The following BMP5 variants were observed in gnomAD, a reference collection of about 807,000 sequenced individuals.
BMP5 encodes the protein bone morphogenetic protein 5.
In BMP5, 23 loss-of-function variants were observed where a neutral mutation model predicts 46.6. The observed-to-expected ratio is 0.49, with a 90% confidence interval of 0.35 to 0.70. The LOEUF is 0.70. BMP5 is among the 30% of genes least tolerant of loss of function. The pLI is 0.00. For synonymous variants in BMP5, 204 were observed against 191.9 expected (o/e 1.06, Z -0.52); for missense variants, 545 against 565.6 (o/e 0.96, Z 0.37).
At chr6:55,759,935 T>G (rs138558287) in intron 5 of BMP5, among the ~76,000 whole-genome samples, 134 of 152,140 alleles carry the variant, frequency 8.8e-4, no homozygotes, top group Middle Eastern at 3.4e-3. Context: ...TCTTAAAATT[T>G]CATTTTAAAC....
intron 1 of BMP5, among the ~76,000 whole-genome samples, chr6:55,844,165 T>C (rs1777039825): frequency 6.6e-6 from 1 of 152,018 alleles, no homozygotes; most frequent in Non-Finnish European, 1.5e-5. Context: ...TTCTGTCTTC[T>C]AGATTAAGCC....
intron 1 of BMP5, among the ~76,000 whole-genome samples, chr6:55,858,970 A>C (rs1777467210): frequency 6.6e-6 from 1 of 152,116 alleles, no homozygotes; most frequent in Non-Finnish European, 1.5e-5. Flanking sequence ...CCTGTCGGCG[A>C]GTAGGGGGCA....
intron 3 of BMP5, among the ~76,000 whole-genome samples, chr6:55,778,046 G>T (rs954026175): frequency 6.6e-6 from 1 of 152,038 alleles, no homozygotes; most frequent in Non-Finnish European, 1.5e-5. Flanking sequence ...AGTAGTACCA[G>T]CTCAAAGCTG....
intron 2 of BMP5, among the ~76,000 whole-genome samples, chr6:55,803,580 G>A (rs946856737): frequency 8.5e-5 from 13 of 152,106 alleles, no homozygotes; most frequent in African/African-American, 1.9e-4. Context: ...TCTGCTGCTC[G>A]CATACATTGT....
At chr6:55,798,114 C>G (rs1470389800) in intron 2 of BMP5, among the ~76,000 whole-genome samples, 1 of 152,128 alleles carries the variant, frequency 6.6e-6, no homozygotes, top group Non-Finnish European at 1.5e-5. Flanking sequence ...ATCATCTTTT[C>G]TCCTATGCAT....
chr6:55,819,623 C>T (rs759068645), intron 2 of BMP5, 32 bp downstream of exon 2: 2 of 1,542,538 alleles, frequency 1.3e-6, no homozygotes, highest in Admixed American at 3.4e-5. Context: ...CATATATTTG[C>T]CAGGATAATA....
intron 2 of BMP5, among the ~76,000 whole-genome samples, chr6:55,816,328 G>A (rs1776268940): frequency 2.6e-5 from 4 of 151,850 alleles, no homozygotes; most frequent in Admixed American, 2.6e-4. Flanking sequence ...CATAATCCAA[G>A]TGTGAAAACA....
intron 1 of BMP5, among the ~76,000 whole-genome samples, chr6:55,852,996 G>T (rs962557735): frequency 6.6e-6 from 1 of 151,808 alleles, no homozygotes; most frequent in South Asian, 2.1e-4. Context: ...TGGGCATGGT[G>T]GTGCCCGCCT....
At chr6:55,758,092 G>A (rs773244234) in intron 6 of BMP5, among the ~76,000 whole-genome samples, 2 of 151,878 alleles carry the variant, frequency 1.3e-5, no homozygotes, top group Non-Finnish European at 2.9e-5. Flanking sequence ...AGACAAGATT[G>A]TCTACTATCT....
intron 1 of BMP5, among the ~76,000 whole-genome samples, chr6:55,845,519 A>T (rs1248394654): frequency 6.6e-6 from 1 of 151,944 alleles, no homozygotes; most frequent in East Asian, 1.9e-4. Context: ...GTCTCCTACT[A>T]CCTTAAGATG....
At chr6:55,802,804 C>A (rs969071281) in intron 2 of BMP5, among the ~76,000 whole-genome samples, 2 of 150,160 alleles carry the variant, frequency 1.3e-5, no homozygotes. Flanking sequence ...TTAAATAATT[C>A]TTTTTTTCCC....
intron 4 of BMP5, among the ~76,000 whole-genome samples, chr6:55,763,067 A>C (rs1170707888): frequency 6.6e-6 from 1 of 152,124 alleles, no homozygotes; most frequent in Non-Finnish European, 1.5e-5. Context: ...TACAAAAACA[A>C]ATGATAGGCT....
intron 1 of BMP5, among the ~76,000 whole-genome samples, chr6:55,838,456 T>G (rs1776876107): frequency 6.6e-6 from 1 of 152,234 alleles, no homozygotes; most frequent in South Asian, 2.1e-4. Context: ...GAGAAATATC[T>G]ATCCAAATCC....
At chr6:55,830,941 T>C (rs1776649165) in intron 1 of BMP5, among the ~76,000 whole-genome samples, 1 of 152,108 alleles carries the variant, frequency 6.6e-6, no homozygotes, top group African/African-American at 2.4e-5. Context: ...TGAGTGACTG[T>C]TCTTTCCTAC....
intron 4 of BMP5, among the ~76,000 whole-genome samples, chr6:55,767,961 C>T (rs1027940773): frequency 6.6e-6 from 1 of 151,970 alleles, no homozygotes; most frequent in South Asian, 2.1e-4. Context: ...AAAATACATT[C>T]TCTCAAAAGA....
rs1439680979 is a variant in BMP5, at chr6:55,796,457, G to GTA, written c.684-2032_684-2031dup. Among the ~76,000 whole-genome samples the GTA allele has an allele frequency of 2.2e-3, 324 of 150,594 alleles. 1 individual carries two copies. The highest frequency in any genetic ancestry group is 6.0e-3 in the African/African-American group (247 of 41,046). Reference sequence around the variant, plus strand: ...TGAAGGAGACAGTTCCAGTTTAAATGTATATATATATATTTTTTTCTTATG... The same window carrying GTA: ...TGAAGGAGACAGTTCCAGTTTAAATGTATATATATATATATTTTTTTCTTATG... On this transcript the variant is annotated intron_variant, in intron 2 of 6. Transcript: ENST00000370830.
rs550849122 is a variant in BMP5, at chr6:55,874,934, G to A, written c.-69C>T. On this transcript the variant is annotated 5_prime_UTR_variant, in exon 1 of 7. Coordinates refer to ENST00000370830, the MANE Select transcript of BMP5 (RefSeq NM_021073.4). ...CTCTTAAAAAAAAAAAAAACCTAAG[G>A]TTCTAGGAGGTACAGTTTCCCAGTA... is the stretch of plus-strand genomic sequence containing the variant. The A allele has an allele frequency of 3.0e-5, 45 of 1,491,636 alleles. No homozygotes were observed. In the Admixed American group the frequency reaches 3.1e-4, roughly 10 times the overall value. 92.4% of individuals were successfully genotyped at this position (1,491,636 alleles called of 1,614,324 possible).
At chr6:55,872,989 C>T (rs1178218184) in intron 1 of BMP5, among the ~76,000 whole-genome samples, 3 of 151,688 alleles carry the variant, frequency 2.0e-5, no homozygotes, top group African/African-American at 4.8e-5. Flanking sequence ...GTTAATTATA[C>T]GTAGAAGAAA....
intron 3 of BMP5, among the ~76,000 whole-genome samples, chr6:55,782,254 A>G (rs1207381668): frequency 6.6e-6 from 1 of 152,144 alleles, no homozygotes; most frequent in Non-Finnish European, 1.5e-5. Flanking sequence ...AATATGTGCA[A>G]TATTGTTTCA....
Sources: gnomAD v4.1 joint callset for allele counts (sites outside exome capture counted in the v4.1 genomes callset) on GRCh38, gnomAD v4.1.1 for gene constraint, MANE v1.5 for transcripts, NCBI Gene and HGNC (gene_info 2026-07-23, HGNC 2026-07-21) for gene names.